COLGALT1: variants seen among roughly 807,000 people sequenced by gnomAD.
COLGALT1 encodes collagen beta(1-O)galactosyltransferase 1.
Under a neutral mutation model 60.8 loss-of-function variants are expected in COLGALT1, and 43 were observed. That is an observed-to-expected ratio of 0.71 (90% CI 0.55 to 0.91). The LOEUF is 0.91. COLGALT1 is among the 40% of genes least tolerant of loss of function. The pLI is 0.00. For missense variants in COLGALT1, 845 were observed against 880.0 expected (o/e 0.96, Z 0.50); for synonymous variants, 369 against 374.2 (o/e 0.99, Z 0.16).
rs1258246308 is a variant in COLGALT1 at position 17,581,657 on chromosome 19, A to C, written c.*213A>C. The C allele has an allele frequency of 1.1e-5, 7 of 640,566 alleles. No homozygotes were observed. The highest frequency in any genetic ancestry group is 1.9e-5 in the Non-Finnish European group (7 of 377,636). The allele number at this position is 640,566 out of a possible 1,614,324, so 39.7% of individuals were successfully genotyped here. The stretch of plus-strand genomic sequence containing the variant: ...CCAGCAACAGGGCTTGGCCCTGGGG[A>C]ATTGGGAGGAACCAAGCCCTCTTCA... On this transcript the variant is annotated 3_prime_UTR_variant, in exon 12 of 12. Coordinates refer to ENST00000252599, the MANE Select transcript of COLGALT1 (RefSeq NM_024656.4).
chr19:17,578,587 C>T (rs1306117893), intron 9 of COLGALT1, among the ~76,000 whole-genome samples: 1 of 152,208 alleles, frequency 6.6e-6, no homozygotes, highest in Non-Finnish European at 1.5e-5. Context: ...TGGTGGCGCA[C>T]ACCTGTGGTC....
intron 9 of COLGALT1, among the ~76,000 whole-genome samples, chr19:17,578,395 T>A (rs1018913967): frequency 6.6e-6 from 1 of 152,102 alleles, no homozygotes; most frequent in African/African-American, 2.4e-5. Context: ...CCCAGCCTGG[T>A]CTCTGTGCTT....
chr19:17,570,021 C>T (rs1475531701), intron 5 of COLGALT1, among the ~76,000 whole-genome samples: 4 of 146,522 alleles, frequency 2.7e-5, no homozygotes, highest in East Asian at 4.0e-4. Flanking sequence ...CAGCTTTCCG[C>T]GTAGCTGGGA....
At chr19:17,563,816 G>T in intron 3 of COLGALT1, among the ~76,000 whole-genome samples, 1 of 152,020 alleles carries the variant, frequency 6.6e-6, no homozygotes, top group Non-Finnish European at 1.5e-5. Flanking sequence ...TTTTGTAACT[G>T]GGGACTTTGG....
chr19:17,558,321 C>T (rs1434742287), intron 1 of COLGALT1, among the ~76,000 whole-genome samples: 6 of 149,162 alleles, frequency 4.0e-5, no homozygotes, highest in Non-Finnish European at 7.4e-5. Context: ...GTGATACACC[C>T]GCCTCGGCCT....
At chr19:17,567,376 C>T in intron 3 of COLGALT1, 30 bp from the exon 4 acceptor site, 2 of 1,611,830 alleles carry the variant, frequency 1.2e-6, no homozygotes, top group Non-Finnish European at 1.7e-6. Flanking sequence ...CCTGGCAGCC[C>T]ATGCTGATGC....
rs200996348 is a variant in COLGALT1 at position 17,580,774 on chromosome 19, C to A, written c.1470C>A (p.Ala490=). 6.2e-7 allele frequency: 1 copy of A among 1,614,064 alleles called. No individual in the cohort carries two copies. Among genetic ancestry groups the A allele is most frequent in the Non-Finnish European group, 8.5e-7 (1 of 1,180,014 alleles). Residue 490 remains alanine, a synonymous_variant, in exon 11 of 12, where the codon GCC becomes GCA. Transcript: ENST00000252599. ...CTCGCGTGAGGAACCTGGTGGAGGC[C>A]GACTATTCCTACTGGACCCTGGCCT... ...AVPRVRNLVE[A]DYSYWTLAYV...
In COLGALT1 at chr19:17,568,560, C is replaced by A. The variant is rs767735851; in HGVS notation, c.676C>A (p.Arg226=). 1 of 1,614,184 alleles carries A rather than the reference C, an allele frequency of 6.2e-7. No individual in the cohort carries two copies. The highest frequency in any genetic ancestry group is 1.1e-5 in the South Asian group (1 of 91,086). The change falls in exon 5 of 12, where the codon CGG becomes AGG. Residue 226 remains arginine (R), a synonymous_variant. Coordinates refer to ENST00000252599, the MANE Select transcript of COLGALT1 (RefSeq NM_024656.4). The part of the protein sequence containing the change: ...AYIPIRKRDR[R]GCFAVPMVHS... ...CATCCCTATCCGCAAGCGAGACCGC[C>A]GGGGCTGCTTTGCAGTTCCCATGGT...
chr19:17,582,353 G>A lies in COLGALT1; in HGVS notation c.*909G>A, dbSNP rs2076389374. The A allele has an allele frequency of 6.6e-6, 1 of 152,248 alleles. No homozygotes were observed. Among genetic ancestry groups the A allele is most frequent in the Non-Finnish European group, 1.5e-5 (1 of 68,060 alleles). 9.4% of individuals were successfully genotyped at this position (152,248 alleles called of 1,614,324 possible). ...TTACTGAGCACCTGCTGTGTGCAGG[G>A]AGCTGAGCTATGGGATGGGAATGGG... On this transcript the variant is annotated 3_prime_UTR_variant, in exon 12 of 12. Coordinates refer to ENST00000252599, the MANE Select transcript of COLGALT1 (RefSeq NM_024656.4).
intron 6 of COLGALT1, among the ~76,000 whole-genome samples, chr19:17,575,608 T>C (rs780140598): frequency 2.6e-5 from 4 of 152,090 alleles, no homozygotes; most frequent in Non-Finnish European, 5.9e-5. Flanking sequence ...CTCGAACTCC[T>C]GACCTCATGA....
At position 17,580,786 on chromosome 19, in the gene COLGALT1, C is replaced by G. The variant is rs745389689; in HGVS notation, c.1482C>G (p.Tyr494Ter). The G allele has an allele frequency of 6.2e-7, 1 of 1,614,118 alleles. No individual in the cohort carries two copies. Among genetic ancestry groups the G allele is most frequent in the South Asian group, 1.1e-5 (1 of 91,076 alleles). Residue 494 changes from tyrosine to a stop codon, truncating the protein, a stop_gained, in exon 11 of 12, where the codon TAC (tyrosine) becomes TAG (stop). Coordinates refer to ENST00000252599, the MANE Select transcript of COLGALT1 (RefSeq NM_024656.4). LOFTEE classifies it high-confidence loss of function. Reference sequence around the variant, plus strand: ...ACCTGGTGGAGGCCGACTATTCCTACTGGACCCTGGCCTACGTGATCTCCC... The same window carrying G: ...ACCTGGTGGAGGCCGACTATTCCTAGTGGACCCTGGCCTACGTGATCTCCC... ...VRNLVEADYS[Y>*]WTLAYVISLQ...
intron 5 of COLGALT1, among the ~76,000 whole-genome samples, chr19:17,571,576 G>A (rs917430950): frequency 9.9e-5 from 15 of 151,882 alleles, no homozygotes; most frequent in African/African-American, 3.4e-4. Flanking sequence ...AAATTAGCTG[G>A]GTGTGGTGGC....
At chr19:17,573,547 T>A (rs2076324609) in intron 6 of COLGALT1, among the ~76,000 whole-genome samples, 1 of 151,132 alleles carries the variant, frequency 6.6e-6, no homozygotes. Flanking sequence ...AATTTTTTTT[T>A]AATTAGTCCG....
chr19:17,559,125 A>C (rs2076232978), intron 1 of COLGALT1, among the ~76,000 whole-genome samples, 186 bp from the exon 2 acceptor site: 1 of 151,984 alleles, frequency 6.6e-6, no homozygotes, highest in Non-Finnish European at 1.5e-5. Flanking sequence ...GCGCCACTGC[A>C]CTCCAGCCTG....
At chr19:17,580,410 C>A in intron 10 of COLGALT1, 1 of 503,194 alleles carries the variant, frequency 2.0e-6, no homozygotes, top group Non-Finnish European at 3.6e-6. Context: ...CCCCACTGTC[C>A]TCTGAACTCA....
In COLGALT1 at chr19:17,577,363, CT is replaced by C; in HGVS notation, c.1031del (p.Phe344SerfsTer2). 6.2e-7 allele frequency: 1 copy of C among 1,601,986 alleles called. No homozygotes were observed. The highest frequency in any genetic ancestry group is 8.5e-7 in the Non-Finnish European group (1 of 1,175,764). ...GCTGGGGACTCTCCGGGCTGCAGGTCTTCATGATCAACCTGAGGCGGCGGCA... is the reference window on the plus strand; with the variant it reads ...GCTGGGGACTCTCCGGGCTGCAGGTCTCATGATCAACCTGAGGCGGCGGCA... ...TPDKMGFDEV[F>X]MINLRRRQDR... On this transcript the variant is annotated frameshift_variant, in exon 8 of 12. Coordinates refer to ENST00000252599, the MANE Select transcript of COLGALT1 (RefSeq NM_024656.4). LOFTEE classifies it high-confidence loss of function.
At position 17,580,798 on chromosome 19, in the gene COLGALT1, C is replaced by G. The variant is rs143412269; in HGVS notation, c.1494C>G (p.Ala498=). ...CCGACTATTCCTACTGGACCCTGGC[C>G]TACGTGATCTCCCTGCAAGGCGCCC... ...VEADYSYWTL[A]YVISLQGARK... is the part of the protein sequence containing the mutation. Residue 498 remains alanine (A), a synonymous_variant, in exon 11 of 12, where the codon GCC becomes GCG. Coordinates refer to ENST00000252599, the MANE Select transcript of COLGALT1 (RefSeq NM_024656.4). 18 of 1,614,092 alleles carry G rather than the reference C, an allele frequency of 1.1e-5. No homozygotes were observed. Among genetic ancestry groups the G allele is most frequent in the Non-Finnish European group, 1.5e-5 (18 of 1,180,008 alleles).
chr19:17,567,029 C>T (rs1194589802), intron 3 of COLGALT1, among the ~76,000 whole-genome samples: 2 of 151,966 alleles, frequency 1.3e-5, no homozygotes, highest in Non-Finnish European at 2.9e-5. Flanking sequence ...ACAGGAGAAT[C>T]GCTTGAACCC....
At position 17,580,921 on chromosome 19, in the gene COLGALT1, G is replaced by A. The variant is rs1349319632; in HGVS notation, c.1601+16G>A. 23 of 1,612,478 alleles carry A rather than the reference G, an allele frequency of 1.4e-5. No individual in the cohort carries two copies. Among genetic ancestry groups the A allele is most frequent in the South Asian group, 6.6e-5 (6 of 91,044 alleles). On this transcript the variant is annotated intron_variant, in intron 11 of 11. Transcript: ENST00000252599. ...AACACCCAGTGTGAGAGGGGCAGGC[G>A]GCTGCTGGGCTGGGGTTTCACGGTG...
Sources: allele counts gnomAD v4.1 joint callset (sites outside exome capture counted in the v4.1 genomes callset), GRCh38; gene constraint gnomAD v4.1.1; transcripts MANE v1.5; gene names NCBI Gene and HGNC (gene_info 2026-07-23, HGNC 2026-07-21).